The following FAM114A1 variants were observed in gnomAD, a reference collection of about 807,000 sequenced individuals.
FAM114A1 encodes family with sequence similarity 114 member A1, also known as protein NOXP20.
FAM114A1 carries 62 observed loss-of-function variants against 64.3 expected under a neutral mutation model. The observed-to-expected ratio is 0.96, with a 90% confidence interval of 0.79 to 1.19. The LOEUF is 1.19. Among genes scored for constraint, FAM114A1 ranks in the 50% most tolerant of loss-of-function variants. FAM114A1 has a pLI of 0.00. For missense variants in FAM114A1, 645 were observed against 676.3 expected (o/e 0.95, Z 0.51); for synonymous variants, 254 against 251.1 (o/e 1.01, Z -0.11).
intron 3 of FAM114A1, among the ~76,000 whole-genome samples, chr4:38,886,541 C>T (rs1264972141): frequency 1.3e-5 from 2 of 152,000 alleles, no homozygotes; most frequent in African/African-American, 2.4e-5. Context: ...TTGAAAGACA[C>T]ATTTTGTTCA....
chr4:38,933,465 G>A (rs900028496), intron 12 of FAM114A1, among the ~76,000 whole-genome samples: 2 of 152,080 alleles, frequency 1.3e-5, no homozygotes, highest in Non-Finnish European at 2.9e-5. Flanking sequence ...CAGTGATGAC[G>A]GTCACTAATA....
At position 38,892,531 on chromosome 4, in the gene FAM114A1, C is replaced by A. The variant is rs558687348; in HGVS notation, c.436+701C>A. Among the ~76,000 whole-genome samples, 6 of 152,232 alleles carry A rather than the reference C, an allele frequency of 3.9e-5. No homozygotes were observed. The East Asian group carries it at 9.6e-4, about 24-fold the overall frequency. ...GAAAATATGATGGACAGTGTAGTGT[C>A]TTCCTGAGTGCAAATTTGTCATGAT... On this transcript the variant is annotated intron_variant, in intron 4 of 14. Transcript: ENST00000358869.
At chr4:38,923,447 T>C (rs1719814077) in intron 9 of FAM114A1, among the ~76,000 whole-genome samples, 1 of 152,072 alleles carries the variant, frequency 6.6e-6, no homozygotes, top group Non-Finnish European at 1.5e-5. Context: ...GGTCTCGATC[T>C]CTTGACCTCA....
rs1721869039 is a variant in FAM114A1 at position 38,945,098 on chromosome 4, T to TA, written c.*1542dup. ...AATATTTAGTTTAAAATTAATTTCTTACGATCACGAGCACATGGTGGCATA... is the reference window on the plus strand; with the variant it reads ...AATATTTAGTTTAAAATTAATTTCTTAACGATCACGAGCACATGGTGGCATA... On this transcript the variant is annotated 3_prime_UTR_variant, in exon 15 of 15. Coordinates refer to ENST00000358869, the MANE Select transcript of FAM114A1 (RefSeq NM_138389.4). 1 of 152,220 alleles carries TA rather than the reference T, an allele frequency of 6.6e-6. No homozygotes were observed. Among genetic ancestry groups the TA allele is most frequent in the East Asian group, 1.9e-4 (1 of 5,204 alleles). The allele number at this position is 152,220 out of a possible 1,614,324, so 9.4% of individuals were successfully genotyped here.
At chr4:38,899,556 T>A (rs535054882) in intron 4 of FAM114A1, among the ~76,000 whole-genome samples, 58 of 152,320 alleles carry the variant, frequency 3.8e-4, no homozygotes, top group African/African-American at 1.3e-3. Flanking sequence ...ACTTCAACTG[T>A]GAACTGCCAA....
intron 6 of FAM114A1, 71 bp downstream of exon 6, chr4:38,905,932 A>G (rs1457541123): frequency 7.4e-7 from 1 of 1,352,954 alleles, no homozygotes; most frequent in African/African-American, 1.5e-5. Flanking sequence ...TCCATTTACC[A>G]GTGACCTAGA....
At chr4:38,877,672 A>C (rs1029581085) in intron 2 of FAM114A1, among the ~76,000 whole-genome samples, 2 of 152,184 alleles carry the variant, frequency 1.3e-5, no homozygotes, top group African/African-American at 2.4e-5. Context: ...GGTTAAAAAA[A>C]AGTTTGCCCT....
At chr4:38,879,717 T>C (rs1715016186) in intron 3 of FAM114A1, among the ~76,000 whole-genome samples, 2 of 138,134 alleles carry the variant, frequency 1.4e-5, no homozygotes, top group South Asian at 4.3e-4. Context: ...TCAGATAGGG[T>C]AAACATAACA....
rs1418483032 is a variant in FAM114A1 at position 38,928,985 on chromosome 4, C to T, written c.1070-257C>T. 8.6e-6 allele frequency: 4 copies of T among 464,786 alleles called. No individual in the cohort carries two copies. The East Asian group carries it at 1.7e-4, about 20-fold the overall frequency. The allele number at this position is 464,786 out of a possible 1,614,324, so 28.8% of individuals were successfully genotyped here. A position where few individuals can be genotyped will look rare whatever the true frequency, so the allele number is the denominator to read the frequency against. ...GAGGTCCCTCCCTGACCTCTTGTTGCCTTTGGGTTGTCCTGGGGGTGTCCC... is the reference window on the plus strand; with the variant it reads ...GAGGTCCCTCCCTGACCTCTTGTTGTCTTTGGGTTGTCCTGGGGGTGTCCC... On this transcript the variant is annotated intron_variant, in intron 9 of 14. Transcript: ENST00000358869.
intron 10 of FAM114A1, among the ~76,000 whole-genome samples, chr4:38,931,137 C>A (rs1720592925): frequency 6.6e-6 from 1 of 152,064 alleles, no homozygotes; most frequent in South Asian, 2.1e-4. Context: ...GAAAAATATA[C>A]CATAGATTTT....
At chr4:38,915,113 A>G (rs372977018) in intron 8 of FAM114A1, 40 bp downstream of exon 8, 61 of 1,597,130 alleles carry the variant, frequency 3.8e-5, no homozygotes, top group Middle Eastern at 3.3e-4. Context: ...ATGCTTAGTC[A>G]TGTGTTGCTT....
chr4:38,881,331 G>C (rs1715248747), intron 3 of FAM114A1, among the ~76,000 whole-genome samples: 1 of 152,118 alleles, frequency 6.6e-6, no homozygotes, highest in African/African-American at 2.4e-5. Flanking sequence ...GTTGGTAACA[G>C]GTACTCCACC....
At position 38,899,898 on chromosome 4, in the gene FAM114A1, T is replaced by G. The variant is rs190098040; in HGVS notation, c.437-5624T>G. Reference sequence around the variant, plus strand: ...TATCTAATTTGCAATTTTTTTTTCTTTTAAAGCCATCAGTTTTTGCAGGCC... The same window carrying G: ...TATCTAATTTGCAATTTTTTTTTCTGTTAAAGCCATCAGTTTTTGCAGGCC... On this transcript the variant is annotated intron_variant, in intron 4 of 14. Coordinates refer to ENST00000358869, the MANE Select transcript of FAM114A1 (RefSeq NM_138389.4). 1.8e-3 allele frequency among the ~76,000 whole-genome samples: 267 copies of G among 152,266 alleles called. 1 individual carries two copies. The Middle Eastern group carries it at 0.027, about 16-fold the overall frequency.
intron 12 of FAM114A1, among the ~76,000 whole-genome samples, chr4:38,934,560 T>C (rs1720924137): frequency 6.6e-6 from 1 of 152,236 alleles, no homozygotes; most frequent in Non-Finnish European, 1.5e-5. Flanking sequence ...CCATAGCATT[T>C]TAATCACTAT....
intron 4 of FAM114A1, among the ~76,000 whole-genome samples, chr4:38,899,033 A>G (rs1384304964): frequency 1.8e-5 from 2 of 111,496 alleles, no homozygotes; most frequent in East Asian, 2.3e-4. Flanking sequence ...TGTTATATAT[A>G]TATATATAGA....
rs1560307753 is a variant in FAM114A1, at chr4:38,905,750, T to C, written c.551-5T>C. On this transcript the variant is annotated splice_region_variant and splice_polypyrimidine_tract_variant and intron_variant, in intron 5 of 14. Coordinates refer to ENST00000358869, the MANE Select transcript of FAM114A1 (RefSeq NM_138389.4). ...ACTCTTAAAGGATTTCTTTTTTCTC[T>C]TTAGTAACAGATGCAGCCACAGATC... 6.2e-7 allele frequency: 1 copy of C among 1,611,494 alleles called. No homozygotes were observed. Among genetic ancestry groups the C allele is most frequent in the Admixed American group, 1.7e-5 (1 of 59,118 alleles).
At chr4:38,902,537 G>A (rs1445729325) in intron 4 of FAM114A1, among the ~76,000 whole-genome samples, 1 of 152,072 alleles carries the variant, frequency 6.6e-6, no homozygotes, top group Non-Finnish European at 1.5e-5. Context: ...GAGTATAGAT[G>A]GTAAATTAAA....
intron 13 of FAM114A1, 74 bp downstream of exon 13, chr4:38,935,864 C>T (rs1721042591): frequency 1.2e-5 from 13 of 1,079,084 alleles, no homozygotes; most frequent in Middle Eastern, 2.0e-4. Flanking sequence ...GGAGATGCAG[C>T]GCCTTCTTTA....
At chr4:38,895,148 C>T (rs1471268285) in intron 4 of FAM114A1, among the ~76,000 whole-genome samples, 2 of 152,146 alleles carry the variant, frequency 1.3e-5, no homozygotes, top group Non-Finnish European at 2.9e-5. Flanking sequence ...GGCCCAGAGT[C>T]GAAGATGAGG....
Sources: gnomAD v4.1 joint callset for allele counts (sites outside exome capture counted in the v4.1 genomes callset) on GRCh38, gnomAD v4.1.1 for gene constraint, MANE v1.5 for transcripts, NCBI Gene and HGNC (gene_info 2026-07-23, HGNC 2026-07-21) for gene names.